PTER: variants seen among roughly 807,000 people sequenced by gnomAD.
The protein encoded by PTER is phosphotriesterase related.
A neutral mutation model predicts 29.6 loss-of-function variants in PTER; 38 were observed. The observed-to-expected ratio is 1.28, with a 90% CI of 0.99 to 1.68. The LOEUF (loss-of-function observed/expected upper bound fraction) is 1.68, where lower values mean the gene tolerates loss of function less well. Ranked by LOEUF, PTER falls within the 40% of genes most tolerant of loss-of-function variation. PTER has a pLI of 0.00. For synonymous variants in PTER, 172 were observed against 154.5 expected (o/e 1.11, Z -0.84); for missense variants, 482 against 427.8 (o/e 1.13, Z -1.12).
intron 3 of PTER, among the ~76,000 whole-genome samples, chr10:16,498,811 A>G (rs1488375038): frequency 6.6e-6 from 1 of 152,200 alleles, no homozygotes; most frequent in Admixed American, 6.5e-5. Flanking sequence ...CAAGTGAAAA[A>G]GAAAGTCACT....
At chr10:16,508,705 C>T (rs1220430665) in intron 4 of PTER, among the ~76,000 whole-genome samples, 1 of 151,786 alleles carries the variant, frequency 6.6e-6, no homozygotes, top group East Asian at 1.9e-4. Flanking sequence ...TATAAAATAC[C>T]TGTGTGCTAT....
At chr10:16,481,947 A>C (rs558536468) in intron 1 of PTER, among the ~76,000 whole-genome samples, 1 of 152,316 alleles carries the variant, frequency 6.6e-6, no homozygotes, top group East Asian at 1.9e-4. Flanking sequence ...AGTAGCAAGG[A>C]ATAAGACACT....
chr10:16,438,938 A>G (rs866128004), intron 1 of PTER, among the ~76,000 whole-genome samples: 3 of 149,372 alleles, frequency 2.0e-5, no homozygotes, highest in Non-Finnish European at 3.0e-5. Flanking sequence ...AAAAAAAAAA[A>G]GGTAAGTGGT....
chr10:16,495,881 C>T (rs1836076677), intron 3 of PTER, among the ~76,000 whole-genome samples: 1 of 152,212 alleles, frequency 6.6e-6, no homozygotes, highest in African/African-American at 2.4e-5. Flanking sequence ...TAATACGTGA[C>T]ATAATTATTT....
At chr10:16,470,720 A>G (rs533425632) in intron 1 of PTER, among the ~76,000 whole-genome samples, 1 of 152,120 alleles carries the variant, frequency 6.6e-6, no homozygotes, top group Non-Finnish European at 1.5e-5. Flanking sequence ...GTGAGCCAAG[A>G]TTGTGCCACT....
chr10:16,483,332 G>T (rs2133446651), intron 1 of PTER, among the ~76,000 whole-genome samples: 1 of 152,262 alleles, frequency 6.6e-6, no homozygotes, highest in East Asian at 1.9e-4. Flanking sequence ...GTGTGTTTCT[G>T]TGTGCCCTAG....
intron 1 of PTER, among the ~76,000 whole-genome samples, chr10:16,448,498 A>T (rs1834093426): frequency 1.3e-5 from 2 of 152,168 alleles, no homozygotes; most frequent in East Asian, 1.9e-4. Flanking sequence ...AAATGCAGCG[A>T]CTTGTCCTTC....
intron 3 of PTER, among the ~76,000 whole-genome samples, chr10:16,491,933 T>C (rs1487823429): frequency 6.6e-6 from 1 of 150,776 alleles, no homozygotes; most frequent in Non-Finnish European, 1.5e-5. Flanking sequence ...CATGCATTTG[T>C]ATGGGTGCAC....
chr10:16,509,363 C>G (rs772152482), intron 4 of PTER, among the ~76,000 whole-genome samples: 1 of 152,006 alleles, frequency 6.6e-6, no homozygotes, highest in Non-Finnish European at 1.5e-5. Context: ...AGTATCTTGT[C>G]CTCTATACTC....
At chr10:16,474,087 T>C (rs1228023644) in intron 1 of PTER, among the ~76,000 whole-genome samples, 3 of 152,032 alleles carry the variant, frequency 2.0e-5, no homozygotes, top group Non-Finnish European at 4.4e-5. Flanking sequence ...TGTGGTGGCA[T>C]GTGCCTGTAA....
Position 16,512,128 on chromosome 10 carries a change from T to C in PTER, c.*872T>C, listed in dbSNP as rs1836835374. The C allele has an allele frequency of 6.6e-6, 1 of 152,414 alleles. No individual in the cohort carries two copies. Among genetic ancestry groups the C allele is most frequent in the Non-Finnish European group, 1.5e-5 (1 of 68,012 alleles). The allele number at this position is 152,414 out of a possible 1,614,324, so 9.4% of individuals were successfully genotyped here. A position where few individuals can be genotyped will look rare whatever the true frequency, so the allele number is the denominator to read the frequency against. The stretch of plus-strand genomic sequence containing the variant: ...ATTTCCTTTACCTTTTGTTTTTCCT[T>C]GGACCTAAACAGAGAAAATAATGCT... On this transcript the variant is annotated 3_prime_UTR_variant, in exon 5 of 5. Coordinates refer to ENST00000535784, the MANE Select transcript of PTER (RefSeq NM_001261836.2).
chr10:16,504,956 C>G (rs780433920), intron 3 of PTER, 64 bp from the exon 4 acceptor site: 202 of 1,568,396 alleles, frequency 1.3e-4, no homozygotes, highest in Non-Finnish European at 1.7e-4. Flanking sequence ...CTTAAAACTT[C>G]TAGTATGTAC....
chr10:16,487,982 G>GA (rs927871873), intron 3 of PTER, among the ~76,000 whole-genome samples: 14 of 148,900 alleles, frequency 9.4e-5, no homozygotes, highest in Admixed American at 2.7e-4. Flanking sequence ...CCTGTCTCAA[G>GA]AAAAAAAAAA....
chr10:16,471,737 A>C (rs1192196040), intron 1 of PTER, among the ~76,000 whole-genome samples: 1 of 152,194 alleles, frequency 6.6e-6, no homozygotes, highest in Non-Finnish European at 1.5e-5. Flanking sequence ...ATATAATTGA[A>C]TGGTTGCATA....
At chr10:16,500,055 T>TA (rs1836275387) in intron 3 of PTER, among the ~76,000 whole-genome samples, 1 of 151,452 alleles carries the variant, frequency 6.6e-6, no homozygotes, top group Admixed American at 6.6e-5. Flanking sequence ...CCTTTTTTTT[T>TA]AACTGCATTT....
chr10:16,446,321 T>C (rs1315275567), intron 1 of PTER, among the ~76,000 whole-genome samples: 1 of 151,604 alleles, frequency 6.6e-6, no homozygotes, highest in Non-Finnish European at 1.5e-5. Flanking sequence ...CGGGTTCAAG[T>C]GATTCTTGTG....
intron 1 of PTER, among the ~76,000 whole-genome samples, chr10:16,458,199 G>A (rs1487326316): frequency 6.9e-6 from 1 of 145,718 alleles, no homozygotes; most frequent in Non-Finnish European, 1.5e-5. Context: ...CTTTTGAGAA[G>A]TGAAATGTTT....
intron 1 of PTER, among the ~76,000 whole-genome samples, chr10:16,444,891 T>C (rs1833965524): frequency 6.6e-6 from 1 of 152,112 alleles, no homozygotes; most frequent in Non-Finnish European, 1.5e-5. Flanking sequence ...GTCAGAAATA[T>C]TAGAGGGTTG....
chr10:16,460,370 A>G (rs750530213), intron 1 of PTER, among the ~76,000 whole-genome samples: 2 of 152,222 alleles, frequency 1.3e-5, no homozygotes, highest in East Asian at 1.9e-4. Context: ...ACTGGGTTCT[A>G]GTTTAGGCTA....
Sources: allele counts gnomAD v4.1 joint callset (sites outside exome capture counted in the v4.1 genomes callset), GRCh38; gene constraint gnomAD v4.1.1; transcripts MANE v1.5; gene names NCBI Gene and HGNC (gene_info 2026-07-23, HGNC 2026-07-21).